CYP21A2: variants seen among roughly 807,000 people sequenced by gnomAD.
The protein encoded by CYP21A2 is cytochrome P450 family 21 subfamily A member 2, also known as steroid 21-hydroxylase.
In CYP21A2, 24 loss-of-function variants were observed where a neutral mutation model predicts 47.4. That is an observed-to-expected ratio of 0.51 (90% CI 0.37 to 0.71). The LOEUF (loss-of-function observed/expected upper bound fraction) is 0.71, where lower values mean the gene tolerates loss of function less well. Among genes scored for constraint, CYP21A2 ranks in the 30% least tolerant of loss-of-function variants. The probability of loss-of-function intolerance (pLI) is 0.00; values close to 1 mark genes in which losing one functional copy is unlikely to be tolerated. For synonymous variants in CYP21A2, 130 were observed against 273.9 expected, an observed-to-expected ratio of 0.47 and a Z score of 5.19; for missense variants, 358 against 643.2, an observed-to-expected ratio of 0.56 and a Z score of 4.80.
Position 32,039,809 on chromosome 6 carries a change from G to A in CYP21A2, c.712G>A (p.Val238Met), listed in dbSNP as rs148288899. ...GGCCATAGAGAAGAGGGATCACATC[G>A]TGGAGATGCAGCTGAGGCAGCACAA... ...KQAIEKRDHI[V>M]EMQLRQHKES... The change falls in exon 6 of 10, where the codon GTG (valine) becomes ATG (methionine). Residue 238 changes from valine to methionine, a missense_variant. Physicochemically the swap from Val to Met is conservative, Grantham distance 21. Transcript: ENST00000644719. The A allele has an allele frequency of 5.0e-6, 8 of 1,613,906 alleles. No individual in the cohort carries two copies. Among genetic ancestry groups the A allele is most frequent in the East Asian group, 2.2e-5 (1 of 44,878 alleles).
chr6:32,038,740 C>G lies in CYP21A2; in HGVS notation c.221C>G (p.Ser74Cys), dbSNP rs1441067097. The G allele has an allele frequency of 4.2e-6, 6 of 1,431,948 alleles. No individual in the cohort carries two copies. Among genetic ancestry groups the G allele is most frequent in the African/African-American group, 1.4e-5 (1 of 71,318 alleles). 88.7% of individuals were successfully genotyped at this position (1,431,948 alleles called of 1,614,324 possible). A position where few individuals can be genotyped will look rare whatever the true frequency, so the allele number is the denominator to read the frequency against. ...LGLQDVVVLN[S>C]KRTIEEAMVK... ...CTCCCAGATGTGGTGGTGCTGAACT[C>G]CAAGAGGACCATTGAGGAAGCCATG... The change falls in exon 2 of 10, where the codon TCC becomes TGC. Residue 74 changes from serine (S) to cysteine (C), a missense_variant. Ser to Cys is a moderately radical substitution (Grantham distance 112, BLOSUM62 -1). Coordinates refer to ENST00000644719, the MANE Select transcript of CYP21A2 (RefSeq NM_000500.9).
intron 9 of CYP21A2, 44 bp from the exon 10 acceptor site, chr6:32,040,825 C>T: frequency 6.2e-7 from 1 of 1,601,632 alleles, no homozygotes; most frequent in Non-Finnish European, 8.5e-7. Context: ...CTGGTCCCCG[C>T]TGCCGCTGAA....
Position 32,038,503 on chromosome 6 carries a change from C to A in CYP21A2, c.81C>A (p.Ser27Arg). The A allele has an allele frequency of 1.2e-6, 2 of 1,601,912 alleles. No individual in the cohort carries two copies. Among genetic ancestry groups the A allele is most frequent in the Non-Finnish European group, 1.7e-6 (2 of 1,173,990 alleles). ...TGTGGAACTGGTGGAAGCTCCGGAG[C>A]CTCCACCTCCCGCCTCTTGCCCCGG... Reference protein sequence around the residue: ...RLLWNWWKLRSLHLPPLAPGF... With the variant: ...RLLWNWWKLRRLHLPPLAPGF... The change falls in exon 1 of 10, where the codon AGC becomes AGA. Residue 27 changes from serine to arginine, a missense_variant. Ser to Arg is a moderately radical substitution (Grantham distance 110). Transcript: ENST00000644719.
In CYP21A2 at chr6:32,038,503, C is replaced by T. The variant is rs746857236; in HGVS notation, c.81C>T (p.Ser27=). ...TGTGGAACTGGTGGAAGCTCCGGAG[C>T]CTCCACCTCCCGCCTCTTGCCCCGG... ...RLLWNWWKLR[S]LHLPPLAPGF... The change falls in exon 1 of 10, where the codon AGC becomes AGT. Residue 27 remains serine, a synonymous_variant. Coordinates refer to ENST00000644719, the MANE Select transcript of CYP21A2 (RefSeq NM_000500.9). The T allele has an allele frequency of 2.5e-6, 4 of 1,601,794 alleles. No homozygotes were observed. The highest frequency in any genetic ancestry group is 3.4e-5 in the Admixed American group (2 of 58,440).
chr6:32,040,007 G>A lies in CYP21A2; in HGVS notation c.741G>A (p.Glu247=), dbSNP rs747577996. Residue 247 remains glutamate, a splice_region_variant and synonymous_variant, in exon 7 of 10, where the codon GAG becomes GAA. Transcript: ENST00000644719. ...CCCGCTCCTTTCACCCTCTGCAGGA[G>A]AGCCTCGTGGCAGGCCAGTGGAGGG... ...IVEMQLRQHK[E]SLVAGQWRDM... 3.7e-6 allele frequency: 6 copies of A among 1,610,460 alleles called. No individual in the cohort carries two copies. The South Asian group carries it at 5.5e-5, about 15-fold the overall frequency.
rs530139262 is a variant in CYP21A2 at position 32,039,629 on chromosome 6, C to T, written c.633C>T (p.Asp211=). The change falls in exon 5 of 10, where the codon GAC becomes GAT. Residue 211 remains aspartate, a synonymous_variant. Coordinates refer to ENST00000644719, the MANE Select transcript of CYP21A2 (RefSeq NM_000500.9). ...GCCACTGGTCCATCCAAATTGTGGA[C>T]GTGATTCCCTTTCTCAGGGTGAGGA... is the stretch of plus-strand genomic sequence containing the variant. ...TWSHWSIQIV[D]VIPFLRFFPN... 25 of 1,562,488 alleles carry T rather than the reference C, an allele frequency of 1.6e-5. No homozygotes were observed. The highest frequency in any genetic ancestry group is 9.5e-5 in the Admixed American group (5 of 52,482).
In CYP21A2 at chr6:32,041,087, C is replaced by G; in HGVS notation, c.1441C>G (p.Leu481Val). ...ILKMQPFQVR[L>V]QPRGMGAHSP... ...CAAGATGCAGCCTTTCCAAGTGCGG[C>G]TGCAGCCCCGGGGGATGGGGGCCCA... The change falls in exon 10 of 10, where the codon CTG becomes GTG. Residue 481 changes from leucine to valine, a missense_variant. Transcript: ENST00000644719. 6.3e-7 allele frequency: 1 copy of G among 1,575,434 alleles called. No homozygotes were observed. The highest frequency in any genetic ancestry group is 1.7e-5 in the Admixed American group (1 of 58,264).
In CYP21A2 at chr6:32,038,431, C is replaced by T. The variant is rs759181547; in HGVS notation, c.9C>T (p.Leu3=). The T allele has an allele frequency of 1.0e-5, 16 of 1,545,586 alleles. 1 individual carries two copies. In the South Asian group the frequency reaches 1.5e-4, roughly 15 times the overall value. ML[L]LGLLLLLPLL... is the part of the protein sequence containing the mutation. Reference sequence around the variant, plus strand: ...CTGACGGGCGTCTCGCCATGCTGCTCCTGGGCCTGCTGCTGCTGCTGCCCC... The same window carrying T: ...CTGACGGGCGTCTCGCCATGCTGCTTCTGGGCCTGCTGCTGCTGCTGCCCC... The change falls in exon 1 of 10, where the codon CTC becomes CTT. Residue 3 remains leucine (L), a synonymous_variant. Coordinates refer to ENST00000644719, the MANE Select transcript of CYP21A2 (RefSeq NM_000500.9).
rs1268879450 is a variant in CYP21A2 at position 32,040,028 on chromosome 6, G to T, written c.762G>T (p.Trp254Cys). The T allele has an allele frequency of 6.2e-7, 1 of 1,612,464 alleles. No homozygotes were observed. The highest frequency in any genetic ancestry group is 1.3e-5 in the African/African-American group (1 of 74,984). The change falls in exon 7 of 10, where the codon TGG (tryptophan) becomes TGT (cysteine). Residue 254 changes from tryptophan to cysteine, a missense_variant. Transcript: ENST00000644719. ...AGGAGAGCCTCGTGGCAGGCCAGTG[G>T]AGGGACATGATGGACTACATGCTCC... Reference protein sequence around the residue: ...QHKESLVAGQWRDMMDYMLQG... With the variant: ...QHKESLVAGQCRDMMDYMLQG...
rs1229809778 is a variant in CYP21A2, at chr6:32,039,393, A to G, written c.485A>G (p.Glu162Gly). The G allele has an allele frequency of 6.2e-7, 1 of 1,612,618 alleles. No individual in the cohort carries two copies. Among genetic ancestry groups the G allele is most frequent in the African/African-American group, 1.3e-5 (1 of 74,768 alleles). Residue 162 changes from glutamate (E) to glycine (G), a missense_variant, in exon 4 of 10, where the codon GAG becomes GGG. By Grantham distance (98) the Glu-to-Gly change is moderately conservative. Coordinates refer to ENST00000644719, the MANE Select transcript of CYP21A2 (RefSeq NM_000500.9). The part of the protein sequence containing the change: ...RAQPGTPVAI[E>G]EEFSLLTCSI... ...CAGCCCGGCACCCCTGTGGCCATTG[A>G]GGAGGAATTCTCTCTCCTCACCTGC...
chr6:32,040,034 C>A lies in CYP21A2; in HGVS notation c.768C>A (p.Asp256Glu), dbSNP rs775688953. The change falls in exon 7 of 10, where the codon GAC (aspartate) becomes GAA (glutamate). Residue 256 changes from aspartate to glutamate, a missense_variant. Physicochemically the swap from Asp to Glu is conservative, Grantham distance 45 (BLOSUM62 2). Coordinates refer to ENST00000644719, the MANE Select transcript of CYP21A2 (RefSeq NM_000500.9). The part of the protein sequence containing the change: ...KESLVAGQWR[D>E]MMDYMLQGVA... ...GCCTCGTGGCAGGCCAGTGGAGGGACATGATGGACTACATGCTCCAAGGGG... is the reference window on the plus strand; with the variant it reads ...GCCTCGTGGCAGGCCAGTGGAGGGAAATGATGGACTACATGCTCCAAGGGG... The A allele has an allele frequency of 6.2e-7, 1 of 1,612,558 alleles. No homozygotes were observed. The highest frequency in any genetic ancestry group is 8.5e-7 in the Non-Finnish European group (1 of 1,179,794).
rs6444 is a variant in CYP21A2 at position 32,040,296 on chromosome 6, G to A, written c.939+91G>A. The stretch of plus-strand genomic sequence containing the variant: ...CTCAGCTCTGAGCACTGTGCGGCTG[G>A]GGCTGTGCTTGCCTCACCGGCACTC... On this transcript the variant is annotated intron_variant, in intron 7 of 9. Coordinates refer to ENST00000644719, the MANE Select transcript of CYP21A2 (RefSeq NM_000500.9). 2.7e-3 allele frequency: 4,328 copies of A among 1,611,650 alleles called. 15 individuals carry two copies. In the East Asian group the frequency reaches 0.068, roughly 25 times the overall value.
In CYP21A2 at chr6:32,041,568, A is replaced by C; in HGVS notation, c.*434A>C. 4 of 1,055,228 alleles carry C rather than the reference A, an allele frequency of 3.8e-6. No individual in the cohort carries two copies. Among genetic ancestry groups the C allele is most frequent in the Non-Finnish European group, 5.7e-6 (4 of 703,088 alleles). The allele number at this position is 1,055,228 out of a possible 1,614,324, so 65.4% of individuals were successfully genotyped here. ...ACCTCCCCGCAGAGCTCCCTTCCTG[A>C]CCCTCCGCTGCAGAGGATTGAGGCT... On this transcript the variant is annotated 3_prime_UTR_variant, in exon 10 of 10. Coordinates refer to ENST00000644719, the MANE Select transcript of CYP21A2 (RefSeq NM_000500.9).
intron 3 of CYP21A2, 47 bp from the exon 4 acceptor site, chr6:32,039,309 C>G (rs1422172615): frequency 1.3e-6 from 2 of 1,582,300 alleles, no homozygotes; most frequent in African/African-American, 2.7e-5. Flanking sequence ...AGCCCCCGCC[C>G]TGCCCGCTGC....
chr6:32,038,986 G>C (rs936560222), intron 2 of CYP21A2, 108 bp from the exon 3 acceptor site: 38 of 1,545,210 alleles, frequency 2.5e-5, no homozygotes, highest in Admixed American at 3.9e-5. Context: ...AAGCTCTTGG[G>C]GGGGCATATC....
chr6:32,039,818 C>G lies in CYP21A2; in HGVS notation c.721C>G (p.Gln241Glu), dbSNP rs1393755467. Residue 241 changes from glutamine (Q) to glutamate (E), a missense_variant, in exon 6 of 10, where the codon CAG (glutamine) becomes GAG (glutamate). Gln to Glu is a conservative substitution (Grantham distance 29, BLOSUM62 2). Transcript: ENST00000644719. ...GAAGAGGGATCACATCGTGGAGATG[C>G]AGCTGAGGCAGCACAAGGTGGGGAC... Reference protein sequence around the residue: ...IEKRDHIVEMQLRQHKESLVA... With the variant: ...IEKRDHIVEMELRQHKESLVA... The G allele has an allele frequency of 2.5e-5, 41 of 1,613,850 alleles. No individual in the cohort carries two copies. Among genetic ancestry groups the G allele is most frequent in the Non-Finnish European group, 3.4e-5 (40 of 1,179,858 alleles).
At chr6:32,040,240 A>G in intron 7 of CYP21A2, 35 bp downstream of exon 7, 1 of 1,612,768 alleles carries the variant, frequency 6.2e-7, no homozygotes, top group South Asian at 1.1e-5. Context: ...GCTCCTTCCC[A>G]GCAACCTGGC....
Position 32,038,945 on chromosome 6 carries a change from C to T in CYP21A2, c.292+134C>T, listed in dbSNP as rs11757034. 5.3e-3 allele frequency: 7,810 copies of T among 1,484,984 alleles called. 117 individuals carry two copies. The highest frequency in any genetic ancestry group is 0.038 in the East Asian group (1,558 of 40,592). 92.0% of individuals were successfully genotyped at this position (1,484,984 alleles called of 1,614,324 possible). ...CCACCTCAGCCTCAAGTGTGAGCCA[C>T]CTTTGGGGCATCCCCAATCCAGGTC... is the stretch of plus-strand genomic sequence containing the variant. On this transcript the variant is annotated intron_variant, in intron 2 of 9. Transcript: ENST00000644719.
chr6:32,040,363 G>A (rs1188802011), intron 7 of CYP21A2, 43 bp from the exon 8 acceptor site: 3 of 1,610,826 alleles, frequency 1.9e-6, no homozygotes, highest in Non-Finnish European at 1.7e-6. Context: ...AGGCTGGGCA[G>A]CTGTGGGCTG....
Sources: allele counts gnomAD v4.1 joint callset, GRCh38; gene constraint gnomAD v4.1.1; transcripts MANE v1.5; gene names NCBI Gene and HGNC (gene_info 2026-07-23, HGNC 2026-07-21).